The following DRC8 variants were observed in gnomAD, a reference collection of about 807,000 sequenced individuals.
DRC8 encodes dynein regulatory complex protein 8.
chr1:245,035,101 T>C, the DRC8 span, among the ~76,000 whole-genome samples: 28 of 152,200 alleles, frequency 1.8e-4, no homozygotes, highest in African/African-American at 6.5e-4. Context: ...TGTATATAGA[T>C]TGGAAGAGTT....
the DRC8 span, among the ~76,000 whole-genome samples, chr1:245,049,814 G>A: frequency 6.6e-6 from 1 of 152,166 alleles, no homozygotes; most frequent in African/African-American, 2.4e-5. The surrounding 1 kb of genome is among the most constrained non-coding windows in gnomAD (Gnocchi z 4.5). Context: ...CGCAGTGGCA[G>A]GTAGCATGAG....
the DRC8 span, among the ~76,000 whole-genome samples, chr1:245,027,360 G>A: frequency 6.6e-6 from 1 of 152,012 alleles, no homozygotes; most frequent in African/African-American, 2.4e-5. Flanking sequence ...AGGAGGAAAG[G>A]AAAGGAAGGA....
the DRC8 span, among the ~76,000 whole-genome samples, chr1:245,083,144 C>T: frequency 5.9e-5 from 9 of 152,156 alleles, no homozygotes; most frequent in East Asian, 1.9e-4. Flanking sequence ...CATTACTGCC[C>T]GAACTCCGCC....
At chr1:245,017,727 A>G in the DRC8 span, among the ~76,000 whole-genome samples, 1 of 152,186 alleles carries the variant, frequency 6.6e-6, no homozygotes, top group African/African-American at 2.4e-5. Flanking sequence ...AGGAAACAGT[A>G]ATGCTTATGC....
chr1:245,074,951 A>G, the DRC8 span, among the ~76,000 whole-genome samples: 12 of 152,220 alleles, frequency 7.9e-5, no homozygotes, highest in East Asian at 1.7e-3. Context: ...ACAGTTTTTA[A>G]ACATTCACAT....
chr1:245,083,301 C>G, the DRC8 span: 1 of 723,894 alleles, frequency 1.4e-6, no homozygotes, highest in Non-Finnish European at 2.4e-6. Flanking sequence ...CCCAAACCAT[C>G]CCTCCCCTCC....
At chr1:244,975,175 C>G in the DRC8 span, among the ~76,000 whole-genome samples, 2 of 152,142 alleles carry the variant, frequency 1.3e-5, no homozygotes, top group Non-Finnish European at 2.9e-5. Context: ...TGTGATCCGC[C>G]CACCTCGGCC....
the DRC8 span, among the ~76,000 whole-genome samples, chr1:245,053,851 G>T: frequency 6.6e-6 from 1 of 151,756 alleles, no homozygotes; most frequent in African/African-American, 2.4e-5. Flanking sequence ...AATTTCCTAT[G>T]ATAGGGAAGA....
At chr1:244,980,218 C>CAAAAAAAAAA in the DRC8 span, among the ~76,000 whole-genome samples, 40 of 64,952 alleles carry the variant, frequency 6.2e-4, no homozygotes, top group South Asian at 4.1e-3. Flanking sequence ...GACTCCGTCT[C>CAAAAAAAAAA]AAAAAAAAAA....
chr1:244,993,454 T>C, the DRC8 span, among the ~76,000 whole-genome samples: 1 of 152,218 alleles, frequency 6.6e-6, no homozygotes, highest in African/African-American at 2.4e-5. Flanking sequence ...CTGTAGCTAC[T>C]TATGTATGAC....
the DRC8 span, among the ~76,000 whole-genome samples, chr1:245,028,847 C>T: frequency 6.6e-6 from 1 of 152,340 alleles, no homozygotes; most frequent in African/African-American, 2.4e-5. Flanking sequence ...AGGGATCACT[C>T]CAGATTCTAG....
At chr1:245,022,744 T>C in the DRC8 span, among the ~76,000 whole-genome samples, 1 of 152,186 alleles carries the variant, frequency 6.6e-6, no homozygotes, top group South Asian at 2.1e-4. Context: ...TGCATGTGTG[T>C]ATTTTTTACT....
chr1:245,030,562 C>G, the DRC8 span: 5 of 152,182 alleles, frequency 3.3e-5, no homozygotes, highest in Non-Finnish European at 7.3e-5. Flanking sequence ...CACAGGGGCT[C>G]TCGTATTTCA....
At chr1:244,982,768 G>C in the DRC8 span, among the ~76,000 whole-genome samples, 1 of 151,862 alleles carries the variant, frequency 6.6e-6, no homozygotes, top group African/African-American at 2.4e-5. Context: ...GGAAAAGAAA[G>C]AATAGAGCAG....
At chr1:245,119,166 A>T in the DRC8 span, among the ~76,000 whole-genome samples, 1 of 152,230 alleles carries the variant, frequency 6.6e-6, no homozygotes, top group South Asian at 2.1e-4. Flanking sequence ...CTTCTAATTA[A>T]ACAGAAAAAA....
the DRC8 span, among the ~76,000 whole-genome samples, chr1:245,001,003 A>G: frequency 6.6e-6 from 1 of 152,094 alleles, no homozygotes; most frequent in Non-Finnish European, 1.5e-5. Context: ...GGAAAGTACC[A>G]GGCAGAGAGA....
At chr1:244,986,044 C>G in the DRC8 span, among the ~76,000 whole-genome samples, 1 of 151,934 alleles carries the variant, frequency 6.6e-6, no homozygotes, top group Non-Finnish European at 1.5e-5. Context: ...CAACCTCCAC[C>G]TCCCAGGTTC....
chr1:245,083,882 G>A, the DRC8 span: 3 of 637,130 alleles, frequency 4.7e-6, no homozygotes, highest in Non-Finnish European at 7.4e-6. Flanking sequence ...GGAAAGGGGA[G>A]ATGGGTTGTT....
chr1:245,101,356 G>A, the DRC8 span, among the ~76,000 whole-genome samples: 1 of 152,150 alleles, frequency 6.6e-6, no homozygotes, highest in Non-Finnish European at 1.5e-5. Flanking sequence ...GTATTTGTCT[G>A]TCTTCTCTAC....
Sources: gnomAD v4.1 joint callset for allele counts (sites outside exome capture counted in the v4.1 genomes callset) on GRCh38, gnomAD v4.1.1 for gene constraint, Gnocchi (gnomAD v3.1) non-coding constraint, MANE v1.5 for transcripts, NCBI Gene and HGNC (gene_info 2026-07-23, HGNC 2026-07-21) for gene names.